IPCEF1: variants seen among roughly 807,000 people sequenced by gnomAD.
The protein encoded by IPCEF1 is interaction protein for cytohesin exchange factors 1.
A neutral mutation model predicts 50.9 loss-of-function variants in IPCEF1; 31 were observed. The observed-to-expected ratio is 0.61, with a 90% CI of 0.46 to 0.82. The LOEUF (loss-of-function observed/expected upper bound fraction) is 0.82. Ranked by LOEUF, IPCEF1 falls within the 40% of genes least tolerant of loss-of-function variation. The pLI, the probability that IPCEF1 is intolerant of heterozygous loss-of-function variation, is 0.00. For missense variants in IPCEF1, 458 were observed against 514.0 expected (o/e 0.89, Z 1.05); for synonymous variants, 181 against 192.0 (o/e 0.94, Z 0.47).
chr6:154,318,259 C>T (rs1783277433), intron 1 of IPCEF1, among the ~76,000 whole-genome samples: 1 of 152,102 alleles, frequency 6.6e-6, no homozygotes, highest in South Asian at 2.1e-4. Flanking sequence ...AGTTTGAGTT[C>T]CATGAACATA....
At chr6:154,167,821 C>G in intron 11 of IPCEF1, 99 bp downstream of exon 11, 1 of 884,422 alleles carries the variant, frequency 1.1e-6, no homozygotes, top group East Asian at 2.5e-5. Context: ...TTCCCTGCAA[C>G]CACACAAACA....
intron 9 of IPCEF1, among the ~76,000 whole-genome samples, chr6:154,203,446 T>C (rs897112741): frequency 9.2e-5 from 14 of 152,180 alleles, no homozygotes; most frequent in Admixed American, 2.6e-4. Flanking sequence ...TAAACACAGA[T>C]ATTTTCCAAT....
At chr6:154,278,170 AG>A (rs1241808428) in intron 2 of IPCEF1, among the ~76,000 whole-genome samples, 3 of 152,230 alleles carry the variant, frequency 2.0e-5, no homozygotes. Flanking sequence ...ATAGAAAAAA[AG>A]TTTAGATTGG....
At chr6:154,318,688 G>A (rs1413027253) in intron 1 of IPCEF1, among the ~76,000 whole-genome samples, 2 of 144,232 alleles carry the variant, frequency 1.4e-5, no homozygotes, top group Admixed American at 7.1e-5. Flanking sequence ...GCTCCAGCCT[G>A]GCTGACAGAG....
At chr6:154,343,528 A>C (rs1783962703) in intron 1 of IPCEF1, among the ~76,000 whole-genome samples, 1 of 152,110 alleles carries the variant, frequency 6.6e-6, no homozygotes, top group African/African-American at 2.4e-5. Flanking sequence ...TTCCTCCCCA[A>C]GTCGCCTCAC....
At chr6:154,300,098 G>C (rs1383292662) in intron 1 of IPCEF1, among the ~76,000 whole-genome samples, 1 of 141,018 alleles carries the variant, frequency 7.1e-6, no homozygotes, top group Non-Finnish European at 1.6e-5. Context: ...ACGGTGTTTT[G>C]TCTTCCCTCC....
chr6:154,174,505 AAGCAGGGGTTGCAATCC>A (rs893912650), intron 10 of IPCEF1, among the ~76,000 whole-genome samples: 2 of 152,190 alleles, frequency 1.3e-5, no homozygotes, highest in Non-Finnish European at 2.9e-5. Flanking sequence ...AGCAAAAAAA[AAGCAGGGGTTGCAATCC>A]TGGTCTCTGA....
At position 154,199,672 on chromosome 6, in the gene IPCEF1, G is replaced by T. The variant is rs1283525151; in HGVS notation, c.906C>A (p.Asp302Glu). The T allele has an allele frequency of 6.2e-7, 1 of 1,603,574 alleles. No homozygotes were observed. Among genetic ancestry groups the T allele is most frequent in the South Asian group, 1.1e-5 (1 of 89,590 alleles). Residue 302 changes from aspartate to glutamate, a missense_variant, in exon 10 of 12, where the codon GAC becomes GAA. By Grantham distance (45) the Asp-to-Glu change is conservative. Coordinates refer to ENST00000367220, the MANE Select transcript of IPCEF1 (RefSeq NM_001130700.2). Reference protein sequence around the residue: ...PDKPAGSKIMDKEETKVSEDD... With the variant: ...PDKPAGSKIMEKEETKVSEDD... ...ATAAATAATTTATTGGTTTACCTTT[G>T]TCCATGATCTTTGATCCAGCAGGCT...
At chr6:154,267,467 G>T (rs1303209084) in intron 2 of IPCEF1, among the ~76,000 whole-genome samples, 9 of 152,308 alleles carry the variant, frequency 5.9e-5, no homozygotes, top group Non-Finnish European at 1.2e-4. Flanking sequence ...CACATATTGG[G>T]ATATCAAAAT....
At chr6:154,273,160 A>T (rs1183426771) in intron 2 of IPCEF1, among the ~76,000 whole-genome samples, 1 of 152,232 alleles carries the variant, frequency 6.6e-6, no homozygotes, top group Non-Finnish European at 1.5e-5. Context: ...CCACAGATTA[A>T]TTTATCCTTT....
At chr6:154,266,798 T>G (rs1204836976) in intron 2 of IPCEF1, among the ~76,000 whole-genome samples, 1 of 151,950 alleles carries the variant, frequency 6.6e-6, no homozygotes, top group Non-Finnish European at 1.5e-5. Context: ...AAACAAGATA[T>G]TCTGTGGTTT....
At chr6:154,251,766 G>A (rs1414779579) in intron 3 of IPCEF1, among the ~76,000 whole-genome samples, 1 of 151,938 alleles carries the variant, frequency 6.6e-6, no homozygotes, top group Non-Finnish European at 1.5e-5. Context: ...ACCTAGAAGA[G>A]GAAAAGAAGA....
intron 1 of IPCEF1, among the ~76,000 whole-genome samples, chr6:154,334,693 T>C (rs150283225): frequency 1.2e-3 from 187 of 152,356 alleles, no homozygotes; most frequent in African/African-American, 4.3e-3. Context: ...AGTTCAAGCC[T>C]CAGCTTAGCC....
At chr6:154,222,452 A>C (rs924512680) in intron 6 of IPCEF1, among the ~76,000 whole-genome samples, 7 of 152,372 alleles carry the variant, frequency 4.6e-5, no homozygotes, top group African/African-American at 1.4e-4. Flanking sequence ...ACTGGAAAAG[A>C]TGTCAAAGGT....
At chr6:154,285,816 G>T (rs1782346385) in intron 2 of IPCEF1, among the ~76,000 whole-genome samples, 1 of 152,158 alleles carries the variant, frequency 6.6e-6, no homozygotes, top group Non-Finnish European at 1.5e-5. Context: ...TTTATTAGAG[G>T]TGTGAGACCT....
chr6:154,300,680 T>C (rs940213078), intron 1 of IPCEF1, among the ~76,000 whole-genome samples: 2 of 152,244 alleles, frequency 1.3e-5, no homozygotes, highest in African/African-American at 4.8e-5. Context: ...AGTAGATTTT[T>C]CCGCCACCCC....
chr6:154,226,935 G>A (rs908000992), intron 5 of IPCEF1, among the ~76,000 whole-genome samples: 3 of 152,122 alleles, frequency 2.0e-5, no homozygotes, highest in Non-Finnish European at 4.4e-5. Context: ...AGTGGCTCAC[G>A]CCTGTAATCC....
intron 1 of IPCEF1, among the ~76,000 whole-genome samples, chr6:154,327,517 AGAT>A (rs1303097587): frequency 6.6e-6 from 1 of 152,248 alleles, no homozygotes; most frequent in East Asian, 1.9e-4. Context: ...AACCACAATG[AGAT>A]ACCATCTCAC....
rs190126297 is a variant in IPCEF1 at position 154,225,170 on chromosome 6, A to G, written c.247-1927T>C. ...CCCAAATCTGAAAATCCAACACCCA[A>G]TGAATACTCCCTTTGAGCATCATGT... On this transcript the variant is annotated intron_variant, in intron 5 of 11. Coordinates refer to ENST00000367220, the MANE Select transcript of IPCEF1 (RefSeq NM_001130700.2). Among the ~76,000 whole-genome samples the G allele has an allele frequency of 2.5e-4, 38 of 152,200 alleles. No individual in the cohort carries two copies. The East Asian group carries it at 3.5e-3, about 14-fold the overall frequency.
Sources: allele counts gnomAD v4.1 joint callset (sites outside exome capture counted in the v4.1 genomes callset), GRCh38; gene constraint gnomAD v4.1.1; transcripts MANE v1.5; gene names NCBI Gene and HGNC (gene_info 2026-07-23, HGNC 2026-07-21).